SEL1L3: variants seen among roughly 807,000 people sequenced by gnomAD.
SEL1L3 encodes the protein protein sel-1 homolog 3.
SEL1L3 carries 76 observed loss-of-function variants against 142.8 expected under a neutral mutation model. That is an observed-to-expected ratio of 0.53 (90% CI 0.44 to 0.64). SEL1L3 has a LOEUF of 0.64. SEL1L3 is among the 30% of genes least tolerant of loss of function. The probability of loss-of-function intolerance (pLI) is 0.00; values close to 1 mark genes in which losing one functional copy is unlikely to be tolerated. For missense variants in SEL1L3, 1,262 were observed against 1,381.7 expected (o/e 0.91, Z 1.37); for synonymous variants, 504 against 519.6 (o/e 0.97, Z 0.41).
At chr4:25,715,304 C>T in the SEL1L3 span, among the ~76,000 whole-genome samples, 8 of 152,104 alleles carry the variant, frequency 5.3e-5, no homozygotes, top group East Asian at 1.5e-3. Flanking sequence ...CCAGCGTGGG[C>T]AACAGAGCAA....
At chr4:25,739,562 G>A in the SEL1L3 span, among the ~76,000 whole-genome samples, 1 of 151,994 alleles carries the variant, frequency 6.6e-6, no homozygotes, top group African/African-American at 2.4e-5. Flanking sequence ...AAAGTCAGCT[G>A]GGCATGGTGG....
At chr4:25,742,324 C>A in the SEL1L3 span, among the ~76,000 whole-genome samples, 2 of 151,774 alleles carry the variant, frequency 1.3e-5, no homozygotes, top group African/African-American at 2.4e-5. Flanking sequence ...TATCTAGGAC[C>A]ACAGACATGC....
chr4:25,765,721 C>A (rs1333170386), intron 19 of SEL1L3, among the ~76,000 whole-genome samples: 3 of 152,104 alleles, frequency 2.0e-5, no homozygotes, highest in Non-Finnish European at 4.4e-5. Flanking sequence ...TCACTGCAGC[C>A]TTGACTTCCT....
chr4:25,755,915 C>T (rs937815947), intron 23 of SEL1L3: 18 of 985,086 alleles, frequency 1.8e-5, no homozygotes, highest in Non-Finnish European at 2.2e-5. Context: ...CTATACCTGG[C>T]AACAAATTTA....
chr4:25,760,173 T>A (rs1339358417), intron 20 of SEL1L3, among the ~76,000 whole-genome samples: 1 of 152,176 alleles, frequency 6.6e-6, no homozygotes, highest in Non-Finnish European at 1.5e-5. Context: ...ATATGTGGTG[T>A]TTGGTTTTCT....
chr4:25,809,498 G>A (rs1457323177), intron 9 of SEL1L3, among the ~76,000 whole-genome samples: 1 of 152,064 alleles, frequency 6.6e-6, no homozygotes, highest in African/African-American at 2.4e-5. Flanking sequence ...TACTTAGGCT[G>A]GTCTTGAACT....
At chr4:25,822,682 T>G (rs1483898653) in intron 6 of SEL1L3, among the ~76,000 whole-genome samples, 1 of 152,104 alleles carries the variant, frequency 6.6e-6, no homozygotes, top group African/African-American at 2.4e-5. Flanking sequence ...CACAGCCAGG[T>G]CAGAGGGTTT....
chr4:25,755,404 C>T (rs549171527), intron 23 of SEL1L3, among the ~76,000 whole-genome samples: 26 of 152,198 alleles, frequency 1.7e-4, no homozygotes, highest in Admixed American at 5.9e-4. Context: ...CGTCTGGTCT[C>T]CTGGTCTTTA....
At chr4:25,758,578 T>G (rs1718153601) in intron 21 of SEL1L3, among the ~76,000 whole-genome samples, 1 of 152,196 alleles carries the variant, frequency 6.6e-6, no homozygotes, top group Non-Finnish European at 1.5e-5. Flanking sequence ...ACCTTCTATA[T>G]CTTAAACTTC....
Position 25,782,435 on chromosome 4 carries a change from G to C in SEL1L3, c.2281-17C>G, listed in dbSNP as rs1322743886. ...ATGCAATCCCTGAATTTTGGAACAA[G>C]AAAGAAATTAACTTTAGAAAAATGA... On this transcript the variant is annotated splice_polypyrimidine_tract_variant and intron_variant, in intron 14 of 23. Coordinates refer to ENST00000399878, the MANE Select transcript of SEL1L3 (RefSeq NM_015187.5). 2.5e-6 allele frequency: 4 copies of C among 1,607,186 alleles called. No homozygotes were observed. The highest frequency in any genetic ancestry group is 2.6e-6 in the Non-Finnish European group (3 of 1,176,342).
the SEL1L3 span, among the ~76,000 whole-genome samples, chr4:25,728,142 C>T: frequency 1.3e-5 from 2 of 152,154 alleles, no homozygotes; most frequent in Non-Finnish European, 2.9e-5. Context: ...ATTAGTGTTT[C>T]TAAGGCCCCA....
chr4:25,745,602 T>G (rs1378548207), downstream of SEL1L3, among the ~76,000 whole-genome samples: 1 of 152,200 alleles, frequency 6.6e-6, no homozygotes, highest in Non-Finnish European at 1.5e-5. Context: ...GGTGTTTGGC[T>G]GTCACACTGG....
intron 7 of SEL1L3, among the ~76,000 whole-genome samples, 151 bp from the exon 8 acceptor site, chr4:25,820,091 C>T (rs184663847): frequency 3.9e-5 from 6 of 152,306 alleles, no homozygotes; most frequent in Admixed American, 3.3e-4. Context: ...ATTTGCAAAG[C>T]AAGGTCATTG....
chr4:25,854,107 A>G (rs1254579254), intron 1 of SEL1L3, among the ~76,000 whole-genome samples: 1 of 152,236 alleles, frequency 6.6e-6, no homozygotes, highest in Non-Finnish European at 1.5e-5. Context: ...GGGAAAAGAA[A>G]AATAGCCAGA....
chr4:25,739,898 T>C, the SEL1L3 span, among the ~76,000 whole-genome samples: 1 of 151,958 alleles, frequency 6.6e-6, no homozygotes, highest in Non-Finnish European at 1.5e-5. Context: ...AGTATTGAGA[T>C]ATAGCTCTGA....
the SEL1L3 span, among the ~76,000 whole-genome samples, chr4:25,731,883 C>T: frequency 8.6e-5 from 13 of 151,964 alleles, no homozygotes; most frequent in African/African-American, 3.1e-4. Flanking sequence ...AACCAGCCTG[C>T]CCAACATGAC....
chr4:25,716,133 G>A, the SEL1L3 span, among the ~76,000 whole-genome samples: 8 of 151,886 alleles, frequency 5.3e-5, no homozygotes, highest in Admixed American at 6.6e-5. Context: ...TTCAATACAC[G>A]TAACTGAGAA....
intron 11 of SEL1L3, among the ~76,000 whole-genome samples, chr4:25,792,351 C>G (rs1712401373): frequency 6.6e-6 from 1 of 152,232 alleles, no homozygotes; most frequent in Admixed American, 6.5e-5. Context: ...TGGCTTGACT[C>G]CAAAGACACA....
chr4:25,722,983 C>T, the SEL1L3 span, among the ~76,000 whole-genome samples: 1 of 152,140 alleles, frequency 6.6e-6, no homozygotes, highest in Non-Finnish European at 1.5e-5. Flanking sequence ...AGGAGAGTTA[C>T]GTGGACAAGG....
Sources: gnomAD v4.1 joint callset for allele counts (sites outside exome capture counted in the v4.1 genomes callset) on GRCh38, gnomAD v4.1.1 for gene constraint, MANE v1.5 for transcripts, NCBI Gene and HGNC (gene_info 2026-07-23, HGNC 2026-07-21) for gene names.